SHOC2: variants seen among roughly 807,000 people sequenced by gnomAD.
SHOC2 encodes SHOC2 leucine rich repeat scaffold protein.
In SHOC2, 4 loss-of-function variants were observed where a neutral mutation model predicts 50.2. The ratio of observed to expected loss-of-function variants is 0.08; its 90% CI spans 0.04 to 0.18. The LOEUF (loss-of-function observed/expected upper bound fraction) is 0.18, where lower values mean the gene tolerates loss of function less well. Ranked by LOEUF, SHOC2 falls within the 10% of genes least tolerant of loss-of-function variation. The pLI is 1.00. For synonymous variants in SHOC2, 218 were observed against 244.5 expected, an observed-to-expected ratio of 0.89 and a Z score of 1.01; for missense variants, 388 against 669.6, an observed-to-expected ratio of 0.58 and a Z score of 4.64.
In SHOC2 at chr10:110,951,538, TC is replaced by T. The variant is rs1847352102; in HGVS notation, c.-234-12586del. ...ATCCATCAATCTCATTTCTTTGACT[TC>T]TTGGTACGTATCTAGAGGAAATGAA... On this transcript the variant is annotated intron_variant, in intron 1 of 8. Transcript: ENST00000369452. 3 of 152,340 alleles carry T rather than the reference TC, an allele frequency of 2.0e-5. No homozygotes were observed. In the South Asian group the frequency reaches 6.2e-4, roughly 32 times the overall value. The allele number at this position is 152,340 out of a possible 1,614,324, so 9.4% of individuals were successfully genotyped here.
At chr10:111,006,338 G>A (rs1453786344) in intron 5 of SHOC2, among the ~76,000 whole-genome samples, 1 of 152,198 alleles carries the variant, frequency 6.6e-6, no homozygotes, top group Non-Finnish European at 1.5e-5. Context: ...TGTGTGAAAT[G>A]AGACAATCCA....
At chr10:110,943,475 A>G (rs1847190267) in intron 1 of SHOC2, among the ~76,000 whole-genome samples, 1 of 152,136 alleles carries the variant, frequency 6.6e-6, no homozygotes, top group Non-Finnish European at 1.5e-5. Context: ...TTGTCCTTAT[A>G]CCTTCCTTTA....
At chr10:110,925,288 G>C (rs1345699991) in intron 1 of SHOC2, among the ~76,000 whole-genome samples, 7 of 151,978 alleles carry the variant, frequency 4.6e-5, no homozygotes, top group Non-Finnish European at 1.5e-5. Context: ...AGGTAAGTCA[G>C]ACTGTATGGT....
intron 1 of SHOC2, chr10:110,937,373 A>G (rs1264481971): frequency 3.4e-6 from 2 of 596,686 alleles, no homozygotes; most frequent in East Asian, 5.7e-5. Flanking sequence ...TCTGACTGTC[A>G]TGTAATTTAC....
At chr10:111,006,146 CAGT>C (rs781627321) in intron 5 of SHOC2, among the ~76,000 whole-genome samples, 6 of 152,130 alleles carry the variant, frequency 3.9e-5, no homozygotes, top group Non-Finnish European at 5.9e-5. Context: ...ATGTAAGTAA[CAGT>C]AGTAAATTTT....
intron 3 of SHOC2, among the ~76,000 whole-genome samples, chr10:110,993,070 A>G: frequency 6.6e-6 from 1 of 152,240 alleles, no homozygotes; most frequent in Non-Finnish European, 1.5e-5. Flanking sequence ...TGACAGCGTA[A>G]GAGAAAGCAA....
chr10:110,947,766 C>CA (rs35892835), intron 1 of SHOC2, among the ~76,000 whole-genome samples: 12,666 of 104,658 alleles, frequency 0.12, 742 homozygotes, highest in African/African-American at 0.2. Context: ...AAATAAGTAC[C>CA]AAAAAAAAAA....
At chr10:110,927,801 A>G (rs1020184547) in intron 1 of SHOC2, among the ~76,000 whole-genome samples, 2 of 152,240 alleles carry the variant, frequency 1.3e-5, no homozygotes, top group African/African-American at 4.8e-5. Context: ...AATGATGGTT[A>G]GTGAATGTTT....
At chr10:110,954,631 A>C (rs949759575) in intron 1 of SHOC2, among the ~76,000 whole-genome samples, 11 of 152,242 alleles carry the variant, frequency 7.2e-5, no homozygotes, top group African/African-American at 2.2e-4. Flanking sequence ...CAGAGCTTAC[A>C]TTCTTGCAGG....
chr10:110,951,517 A>G (rs1847351757), intron 1 of SHOC2: 1 of 152,256 alleles, frequency 6.6e-6, no homozygotes, highest in African/African-American at 2.4e-5. Context: ...TATATGATCC[A>G]TCAATCTCAT....
chr10:110,991,111 A>G (rs1304918364), intron 3 of SHOC2, among the ~76,000 whole-genome samples: 2 of 152,156 alleles, frequency 1.3e-5, no homozygotes, highest in East Asian at 1.9e-4. Flanking sequence ...TAGTCTAACA[A>G]TATTTTATTA....
chr10:111,006,781 G>A (rs1441160969), intron 5 of SHOC2, among the ~76,000 whole-genome samples: 1 of 152,154 alleles, frequency 6.6e-6, no homozygotes, highest in Non-Finnish European at 1.5e-5. Flanking sequence ...GCTGGATGGG[G>A]TGTTGATTAT....
chr10:110,949,790 C>G (rs1847315910), intron 1 of SHOC2, among the ~76,000 whole-genome samples: 2 of 152,074 alleles, frequency 1.3e-5, no homozygotes, highest in South Asian at 4.1e-4. Flanking sequence ...ATGCAAGAAC[C>G]AATAAATGAT....
At chr10:110,957,538 C>CG (rs1457160826) in intron 1 of SHOC2, among the ~76,000 whole-genome samples, 3 of 150,518 alleles carry the variant, frequency 2.0e-5, no homozygotes, top group Non-Finnish European at 4.4e-5. Context: ...AGATACCCCC[C>CG]CCCCAGCCCA....
chr10:110,951,949 C>T (rs549843351), intron 1 of SHOC2, among the ~76,000 whole-genome samples: 4 of 152,268 alleles, frequency 2.6e-5, no homozygotes, highest in South Asian at 4.1e-4. Context: ...TGAGCCACCA[C>T]GCCTGGCCTA....
At chr10:110,993,373 T>C (rs1273014463) in intron 3 of SHOC2, among the ~76,000 whole-genome samples, 1 of 152,212 alleles carries the variant, frequency 6.6e-6, no homozygotes, top group Admixed American at 6.5e-5. Flanking sequence ...AAAAGAGTTT[T>C]GATATTTCAT....
chr10:110,977,610 T>C (rs533024785), intron 2 of SHOC2, among the ~76,000 whole-genome samples: 10 of 152,308 alleles, frequency 6.6e-5, no homozygotes, highest in African/African-American at 2.2e-4. Flanking sequence ...GAGTCTTGGA[T>C]TTTGTTGTAT....
intron 3 of SHOC2, among the ~76,000 whole-genome samples, chr10:110,989,518 T>C (rs1281387981): frequency 6.6e-6 from 1 of 152,204 alleles, no homozygotes; most frequent in African/African-American, 2.4e-5. Flanking sequence ...AGATACAAAA[T>C]AATTGGATCA....
chr10:110,942,678 T>C (rs890864770), intron 1 of SHOC2, among the ~76,000 whole-genome samples: 3 of 152,236 alleles, frequency 2.0e-5, no homozygotes, highest in Non-Finnish European at 2.9e-5. Context: ...TCGGACTCTT[T>C]CATGTATATT....
Sources: gnomAD v4.1 joint callset for allele counts (sites outside exome capture counted in the v4.1 genomes callset) on GRCh38, gnomAD v4.1.1 for gene constraint, MANE v1.5 for transcripts, NCBI Gene and HGNC (gene_info 2026-07-23, HGNC 2026-07-21) for gene names.